TMC4: variants seen among roughly 807,000 people sequenced by gnomAD.
The protein encoded by TMC4 is voltage-gated chloride channel TMC4.
TMC4 carries 70 observed loss-of-function variants against 82.0 expected under a neutral mutation model. That is an observed-to-expected ratio of 0.85 (90% CI 0.70 to 1.04). TMC4 has a LOEUF of 1.04. Ranked by LOEUF, TMC4 falls within the 50% of genes least tolerant of loss-of-function variation. TMC4 has a pLI of 0.00. For missense variants in TMC4, 879 were observed against 899.0 expected, an observed-to-expected ratio of 0.98 and a Z score of 0.28; for synonymous variants, 446 against 406.0, an observed-to-expected ratio of 1.10 and a Z score of -1.18.
chr19:54,162,034 C>T, intron 11 of TMC4, 68 bp downstream of exon 11: 1 of 1,408,024 alleles, frequency 7.1e-7, no homozygotes, highest in Admixed American at 2.4e-5. Context: ...ATCTTCCTTG[C>T]CCTTGACCCA....
intron 9 of TMC4, 23 bp downstream of exon 9, chr19:54,163,010 A>G: frequency 6.2e-7 from 1 of 1,614,104 alleles, no homozygotes; most frequent in Non-Finnish European, 8.5e-7. Context: ...CAAGAGTCCC[A>G]CGCACACCCA....
At position 54,168,628 on chromosome 19, in the gene TMC4, G is replaced by C. The variant is rs1388945124; in HGVS notation, c.495C>G (p.Leu165=). ...GCACAGAGGCCAGCACGTTAAGAAGGAGCAGGAAGCGCAGCAGGGAGAAGT... is the reference window on the plus strand; with the variant it reads ...GCACAGAGGCCAGCACGTTAAGAAGCAGCAGGAAGCGCAGCAGGGAGAAGT... ...ESYFSLLRFL[L]LLNVLASVLM... The change falls in exon 4 of 15, where the codon CTC becomes CTG. Residue 165 remains leucine (L), a synonymous_variant. Coordinates refer to ENST00000619895, the MANE Select transcript of TMC4 (RefSeq NM_144686.4). 1.3e-6 allele frequency: 2 copies of C among 1,593,836 alleles called. No homozygotes were observed. The highest frequency in any genetic ancestry group is 3.5e-5 in the Admixed American group (2 of 57,038).
At chr19:54,165,640 T>C (rs1600568645) in intron 5 of TMC4, 74 bp from the exon 6 acceptor site, 1 of 1,505,280 alleles carries the variant, frequency 6.6e-7, no homozygotes, top group Non-Finnish European at 8.9e-7. Context: ...ACCCCTCATA[T>C]TGGGACAAAT....
chr19:54,161,789 G>T (rs1238357069), intron 11 of TMC4, among the ~76,000 whole-genome samples: 1 of 152,070 alleles, frequency 6.6e-6, no homozygotes, highest in Non-Finnish European at 1.5e-5. Context: ...TGATCCACCC[G>T]CCTTAGTCTC....
intron 5 of TMC4, among the ~76,000 whole-genome samples, chr19:54,167,414 C>T (rs1480564105): frequency 6.6e-6 from 1 of 151,718 alleles, no homozygotes; most frequent in African/African-American, 2.4e-5. Context: ...AAAAAATTAG[C>T]TGGGCGTGGT....
rs1411767890 is a variant in TMC4 at position 54,164,593 on chromosome 19, C to T, written c.954G>A (p.Leu318=). ...CCTGGCGCCGCACCACTGTCTCCTC[C>T]AGCTCCACCTGAAGGCAGGAGAGAT... ...RIILYELKVE[L]EETVVRRQAA... is the part of the protein sequence containing the mutation. The change falls in exon 7 of 15, where the codon CTG becomes CTA. Residue 318 remains leucine (L), a synonymous_variant. Transcript: ENST00000619895. The T allele has an allele frequency of 6.2e-7, 1 of 1,613,212 alleles. No individual in the cohort carries two copies. The highest frequency in any genetic ancestry group is 1.3e-5 in the African/African-American group (1 of 74,930).
intron 8 of TMC4, 149 bp from the exon 9 acceptor site, chr19:54,163,308 C>CTT (rs35587690): frequency 1.5e-3 from 911 of 592,596 alleles, no homozygotes; most frequent in East Asian, 0.011. Context: ...TTCTTTCTTT[C>CTT]TTTTTTTTTT....
At chr19:54,169,208 A>G (rs1600587427) in intron 3 of TMC4, among the ~76,000 whole-genome samples, 2 of 149,874 alleles carry the variant, frequency 1.3e-5, no homozygotes, top group Admixed American at 6.7e-5. Flanking sequence ...TAGTTTTTGT[A>G]TTTTTGGTAG....
At chr19:54,168,797 CT>C (rs1198944858) in intron 3 of TMC4, 117 bp from the exon 4 acceptor site, 10 of 45,978 alleles carry the variant, frequency 2.2e-4, no homozygotes, top group Middle Eastern at 3.5e-3. Context: ...TCTTTTCTTT[CT>C]TTTCTTTTCT....
chr19:54,165,589 C>A (rs199951393), intron 5 of TMC4, 23 bp from the exon 6 acceptor site: 1 of 1,586,642 alleles, frequency 6.3e-7, no homozygotes, highest in Non-Finnish European at 8.6e-7. Flanking sequence ...ACCCGGGAGA[C>A]GGGAAGTGAA....
At position 54,160,322 on chromosome 19, in the gene TMC4, G is replaced by C; in HGVS notation, c.2105C>G (p.Thr702Ser). 6.6e-7 allele frequency: 1 copy of C among 1,519,952 alleles called. No homozygotes were observed. The highest frequency in any genetic ancestry group is 1.3e-5 in the South Asian group (1 of 76,288). The allele number at this position is 1,519,952 out of a possible 1,614,324, so 94.2% of individuals were successfully genotyped here. A position where few individuals can be genotyped will look rare whatever the true frequency, so the allele number is the denominator to read the frequency against. Reference protein sequence around the residue: ...LARRAVALTSTKPAL With the variant: ...LARRAVALTSSKPAL ...CTGCGGGGGTCAAAGAGCCGGTTTG[G>C]TGGAGGTCAGCGCCACAGCGCGCCG... The change falls in exon 15 of 15, where the codon ACC (threonine) becomes AGC (serine). Residue 702 changes from threonine to serine, a missense_variant. Thr to Ser is a moderately conservative substitution (Grantham distance 58). Coordinates refer to ENST00000619895, the MANE Select transcript of TMC4 (RefSeq NM_144686.4).
rs2075596861 is a variant in TMC4 at position 54,162,721 on chromosome 19, T to C, written c.1454A>G (p.Asp485Gly). The stretch of plus-strand genomic sequence containing the variant: ...CGCGACTGCCAAGACAGTCAGCAGA[T>C]CAAAGAGCAGAAGTTTGTACATTTC... Reference protein sequence around the residue: ...GQEMYKLLLFDLLTVLAVALL... With the variant: ...GQEMYKLLLFGLLTVLAVALL... The change falls in exon 10 of 15, where the codon GAT (aspartate) becomes GGT (glycine). Residue 485 changes from aspartate to glycine, a missense_variant. Physicochemically the swap from Asp to Gly is moderately conservative, Grantham distance 94. Transcript: ENST00000619895. 6.2e-7 allele frequency: 1 copy of C among 1,613,756 alleles called. No homozygotes were observed. The highest frequency in any genetic ancestry group is 1.3e-5 in the African/African-American group (1 of 74,778).
intron 3 of TMC4, 63 bp downstream of exon 3, chr19:54,169,449 C>G (rs75097644): frequency 0.016 from 23,999 of 1,540,128 alleles, 676 homozygotes; most frequent in African/African-American, 0.1. Flanking sequence ...TCCCCAGCCC[C>G]TCCTCCCTCA....
At chr19:54,168,919 C>T (rs1240167824) in intron 3 of TMC4, among the ~76,000 whole-genome samples, 2 of 18,250 alleles carry the variant, frequency 1.1e-4, no homozygotes, top group Non-Finnish European at 1.8e-4. Context: ...TTCTTTCCTT[C>T]CTTCCTTCCT....
At chr19:54,163,308 CTTTT>C (rs35587690) in intron 8 of TMC4, 149 bp from the exon 9 acceptor site, 44,048 of 575,816 alleles carry the variant, frequency 0.076, 5 homozygotes, top group Non-Finnish European at 0.083. Flanking sequence ...TTCTTTCTTT[CTTTT>C]TTTTTTTTTT....
rs1450080980 is a variant in TMC4, at chr19:54,168,580, C to T, written c.543G>A (p.Leu181=). Residue 181 remains leucine, a synonymous_variant, in exon 4 of 15, where the codon CTG becomes CTA. Transcript: ENST00000619895. ...GGGGAGCGCCTCCCAACCAGGTGGG[C>T]AGCAGCGTCATGCAGGCCATGAGCA... ...ASVLMACMTL[L]PTWLGGAPPG... is the part of the protein sequence containing the mutation. 2.5e-6 allele frequency: 4 copies of T among 1,588,694 alleles called. No homozygotes were observed. Among genetic ancestry groups the T allele is most frequent in the Admixed American group, 3.6e-5 (2 of 56,056 alleles).
chr19:54,161,009 A>G lies in TMC4; in HGVS notation c.1842T>C (p.Gly614=), dbSNP rs2075533559. The G allele has an allele frequency of 6.2e-7, 1 of 1,614,040 alleles. No individual in the cohort carries two copies. The highest frequency in any genetic ancestry group is 8.5e-7 in the Non-Finnish European group (1 of 1,180,046). The change falls in exon 13 of 15, where the codon GGT becomes GGC. Residue 614 remains glycine, a synonymous_variant. Transcript: ENST00000619895. ...IFLIPPSKLC[G]PFRGQSSIWA... ...AGATGGACGACTGCCCCCGGAATGG[A>G]CCACACAGCTTAGAAGGCGGGATCC... is the stretch of plus-strand genomic sequence containing the variant.
intron 2 of TMC4, among the ~76,000 whole-genome samples, chr19:54,171,061 A>ACACGTATG (rs143699484): frequency 6.6e-6 from 1 of 151,236 alleles, no homozygotes; most frequent in African/African-American, 2.4e-5. Flanking sequence ...ATATATATAC[A>ACACGTATG]CATATATATA....
chr19:54,165,882 A>G (rs568866831), intron 5 of TMC4, among the ~76,000 whole-genome samples: 1 of 152,258 alleles, frequency 6.6e-6, no homozygotes, highest in South Asian at 2.1e-4. Flanking sequence ...GCCCTGAGGA[A>G]GACAGAGATG....
Sources: allele counts gnomAD v4.1 joint callset (sites outside exome capture counted in the v4.1 genomes callset), GRCh38; gene constraint gnomAD v4.1.1; transcripts MANE v1.5; gene names NCBI Gene and HGNC (gene_info 2026-07-23, HGNC 2026-07-21).